The following CHST11 variants were observed in gnomAD, a reference collection of about 807,000 sequenced individuals.
The protein encoded by CHST11 is C4S-1.
In CHST11, 9 loss-of-function variants were observed where a neutral mutation model predicts 30.4. The ratio of observed to expected loss-of-function variants is 0.30; its 90% confidence interval spans 0.18 to 0.52. The LOEUF is 0.52. Ranked by LOEUF, CHST11 falls within the 20% of genes least tolerant of loss-of-function variation. CHST11 has a pLI of 0.97. For synonymous variants in CHST11, 152 were observed against 187.8 expected (o/e 0.81, Z 1.56); for missense variants, 348 against 460.6 (o/e 0.76, Z 2.24).
chr12:104,475,955 C>A (rs2037556474), intron 1 of CHST11, among the ~76,000 whole-genome samples: 1 of 141,936 alleles, frequency 7.0e-6, no homozygotes, highest in Non-Finnish European at 1.5e-5. Context: ...TATATATTTA[C>A]AAAGATATAT....
chr12:104,651,111 C>T (rs914470375), intron 2 of CHST11, among the ~76,000 whole-genome samples: 1 of 152,160 alleles, frequency 6.6e-6, no homozygotes, highest in Non-Finnish European at 1.5e-5. Flanking sequence ...GTCTGGTGGC[C>T]CAATTGCCGA....
chr12:104,669,719 C>T (rs1301756029), intron 2 of CHST11, among the ~76,000 whole-genome samples: 1 of 152,148 alleles, frequency 6.6e-6, no homozygotes, highest in Non-Finnish European at 1.5e-5. Context: ...CCCTGGACAC[C>T]GTTCTCAGCT....
intron 2 of CHST11, among the ~76,000 whole-genome samples, chr12:104,603,989 C>T (rs899156214): frequency 6.6e-6 from 1 of 152,062 alleles, no homozygotes. Context: ...GAACATATAG[C>T]TTAGTAGCTT....
chr12:104,578,235 T>C (rs1020658803), intron 1 of CHST11, among the ~76,000 whole-genome samples: 8 of 152,314 alleles, frequency 5.3e-5, no homozygotes, highest in African/African-American at 1.9e-4. Flanking sequence ...ATCACTGACT[T>C]CCTGGTCTCC....
intron 2 of CHST11, among the ~76,000 whole-genome samples, chr12:104,693,008 A>G (rs1439570432): frequency 6.6e-6 from 1 of 152,182 alleles, no homozygotes; most frequent in African/African-American, 2.4e-5. Flanking sequence ...TCCAAGATCA[A>G]GGTGGCTGCA....
At chr12:104,695,321 G>A (rs1592843530) in intron 2 of CHST11, among the ~76,000 whole-genome samples, 1 of 152,192 alleles carries the variant, frequency 6.6e-6, no homozygotes, top group African/African-American at 2.4e-5. Context: ...AGGCACTGAG[G>A]TAGAGGTTTT....
chr12:104,585,943 G>A (rs774306108), intron 1 of CHST11, among the ~76,000 whole-genome samples: 3 of 151,914 alleles, frequency 2.0e-5, no homozygotes, highest in Non-Finnish European at 4.4e-5. Context: ...GTCTCTGTGG[G>A]TCCCCTCCTC....
intron 1 of CHST11, among the ~76,000 whole-genome samples, chr12:104,466,094 A>G (rs990002899): frequency 3.3e-5 from 5 of 152,062 alleles, no homozygotes; most frequent in Non-Finnish European, 5.9e-5. Context: ...TCCTGACCTC[A>G]GGTGATCTGC....
intron 1 of CHST11, among the ~76,000 whole-genome samples, chr12:104,554,654 C>T (rs2038437510): frequency 6.6e-6 from 1 of 152,220 alleles, no homozygotes; most frequent in South Asian, 2.1e-4. Flanking sequence ...TGAGCATCCC[C>T]TGCCTCTTTG....
At chr12:104,607,870 C>A (rs567006606) in intron 2 of CHST11, among the ~76,000 whole-genome samples, 1 of 152,260 alleles carries the variant, frequency 6.6e-6, no homozygotes, top group African/African-American at 2.4e-5. Flanking sequence ...CATCTTATAA[C>A]CTAGCTTCTC....
chr12:104,579,284 A>G (rs1389450473), intron 1 of CHST11, among the ~76,000 whole-genome samples: 3 of 152,162 alleles, frequency 2.0e-5, no homozygotes, highest in Non-Finnish European at 2.9e-5. Context: ...AGAGGGAATA[A>G]GACTAGACTT....
chr12:104,477,237 C>G (rs2037572715), intron 1 of CHST11, among the ~76,000 whole-genome samples: 1 of 152,126 alleles, frequency 6.6e-6, no homozygotes. Flanking sequence ...TCTCCACAGC[C>G]TGGCGAGGAG....
chr12:104,566,313 C>T (rs2038565791), intron 1 of CHST11, among the ~76,000 whole-genome samples: 1 of 152,110 alleles, frequency 6.6e-6, no homozygotes, highest in African/African-American at 2.4e-5. Flanking sequence ...CTTATTGTCA[C>T]TTGTGTGAAA....
At chr12:104,607,588 C>T (rs778794033) in intron 2 of CHST11, among the ~76,000 whole-genome samples, 1 of 152,136 alleles carries the variant, frequency 6.6e-6, no homozygotes, top group African/African-American at 2.4e-5. Context: ...AGACACAGCA[C>T]ACTTCCCCAT....
At chr12:104,483,130 C>T (rs763701731) in intron 1 of CHST11, among the ~76,000 whole-genome samples, 5 of 152,220 alleles carry the variant, frequency 3.3e-5, no homozygotes, top group Non-Finnish European at 5.9e-5. Context: ...TCACCCTTCA[C>T]ACCCCATCCA....
intron 2 of CHST11, among the ~76,000 whole-genome samples, chr12:104,698,565 CTG>C (rs929237556): frequency 3.3e-5 from 5 of 152,180 alleles, no homozygotes; most frequent in Admixed American, 1.3e-4. Context: ...GGGCTAAGGG[CTG>C]TGTCTGGTAT....
intron 2 of CHST11, among the ~76,000 whole-genome samples, chr12:104,722,709 A>C (rs1297712262): frequency 6.6e-6 from 1 of 151,314 alleles, no homozygotes; most frequent in Non-Finnish European, 1.5e-5. Context: ...GAGTGTCCAA[A>C]GAAAACAAGG....
chr12:104,755,657 G>A (rs139814111), intron 2 of CHST11, among the ~76,000 whole-genome samples: 1,563 of 152,256 alleles, frequency 0.01, 15 homozygotes, highest in Admixed American at 0.028. Flanking sequence ...ATGGTGATGC[G>A]TGCCTGTAAT....
intron 1 of CHST11, among the ~76,000 whole-genome samples, chr12:104,493,411 A>C (rs1287001974): frequency 6.6e-6 from 1 of 151,064 alleles, no homozygotes; most frequent in African/African-American, 2.4e-5. Context: ...GTGTTCTTGA[A>C]GTACACCTGT....
Sources: allele counts gnomAD v4.1 joint callset (sites outside exome capture counted in the v4.1 genomes callset), GRCh38; gene constraint gnomAD v4.1.1; transcripts MANE v1.5; gene names NCBI Gene and HGNC (gene_info 2026-07-23, HGNC 2026-07-21).